Variants in APBA2 observed in about 807,000 individuals in gnomAD.
APBA2 encodes the protein amyloid-beta A4 precursor protein-binding family A member 2.
Under a neutral mutation model 75.0 loss-of-function variants are expected in APBA2, and 30 were observed. The ratio of observed to expected loss-of-function variants is 0.40; its 90% CI spans 0.30 to 0.54. The LOEUF (loss-of-function observed/expected upper bound fraction) is 0.54. Among genes scored for constraint, APBA2 ranks in the 20% least tolerant of loss-of-function variants. The pLI is 0.49. For missense variants in APBA2, 801 were observed against 1,016.1 expected (o/e 0.79, Z 2.88); for synonymous variants, 444 against 409.6 (o/e 1.08, Z -1.01).
In APBA2 at chr15:29,093,089, G is replaced by A. The variant is rs2043659403; in HGVS notation, c.1084G>A (p.Glu362Lys). The A allele has an allele frequency of 6.2e-7, 1 of 1,614,220 alleles. No homozygotes were observed. Among genetic ancestry groups the A allele is most frequent in the Non-Finnish European group, 8.5e-7 (1 of 1,180,044 alleles). ...CCCTCCTTCAGTTCCAGGGCCCTGC[G>A]AACCAGAAGACCTCATCGACGGGAT... ...PSFVAVPGPC[E>K]PEDLIDGIIF... Residue 362 changes from glutamate to lysine, a missense_variant, in exon 7 of 15, where the codon GAA (glutamate) becomes AAA (lysine). Coordinates refer to ENST00000683413, the MANE Select transcript of APBA2 (RefSeq NM_001353788.2).
At chr15:29,040,686 A>G (rs1434320600) in intron 3 of APBA2, among the ~76,000 whole-genome samples, 2 of 152,216 alleles carry the variant, frequency 1.3e-5, no homozygotes, top group African/African-American at 4.8e-5. Context: ...AAGCAGACAC[A>G]TGAAAATCAA....
chr15:29,022,970 T>G (rs922666715), intron 3 of APBA2, among the ~76,000 whole-genome samples: 1 of 152,230 alleles, frequency 6.6e-6, no homozygotes, highest in African/African-American at 2.4e-5. Flanking sequence ...GAAATATTTT[T>G]TATTATTACA....
At chr15:28,894,519 A>T (rs533973432) in intron 1 of APBA2, among the ~76,000 whole-genome samples, 8 of 152,182 alleles carry the variant, frequency 5.3e-5, no homozygotes, top group Admixed American at 3.3e-4. Context: ...ACCCCTTCAG[A>T]GCCCAGGCCA....
In APBA2 at chr15:29,108,442, G is replaced by C. The variant is rs199884643; in HGVS notation, c.2037+53G>C. On this transcript the variant is annotated intron_variant, in intron 13 of 14. Coordinates refer to ENST00000683413, the MANE Select transcript of APBA2 (RefSeq NM_001353788.2). ...CCACCACCACTGCAGGGCCCAGGGA[G>C]GGGGAGCAGCTCCCGTCCAATGGGG... 1.1e-3 allele frequency: 1,821 copies of C among 1,612,878 alleles called. 13 individuals carry two copies. The highest frequency in any genetic ancestry group is 8.1e-3 in the South Asian group (735 of 91,078).
chr15:29,085,524 CAAAA>C (rs777850421), intron 6 of APBA2, among the ~76,000 whole-genome samples: 1 of 57,150 alleles, frequency 1.7e-5, no homozygotes, highest in Non-Finnish European at 4.2e-5. Flanking sequence ...GACTCCATCT[CAAAA>C]AAAAAAAAAA....
chr15:28,898,734 G>A (rs1274481232), intron 1 of APBA2, among the ~76,000 whole-genome samples: 1 of 152,166 alleles, frequency 6.6e-6, no homozygotes, highest in Non-Finnish European at 1.5e-5. Flanking sequence ...TGATCTTGGA[G>A]TTTTCAAGGT....
At chr15:28,909,191 C>G (rs866799510) in intron 1 of APBA2, among the ~76,000 whole-genome samples, 1 of 151,938 alleles carries the variant, frequency 6.6e-6, no homozygotes, top group African/African-American at 2.4e-5. Flanking sequence ...GGGGTTTCAC[C>G]GTGTTAGCCA....
chr15:29,051,121 C>G (rs1201607473), intron 3 of APBA2, among the ~76,000 whole-genome samples: 1 of 152,218 alleles, frequency 6.6e-6, no homozygotes, highest in African/African-American at 2.4e-5. Flanking sequence ...TGCAGCCTCT[C>G]TCTTGTGGCT....
intron 2 of APBA2, among the ~76,000 whole-genome samples, chr15:28,927,757 T>G (rs1158062857): frequency 6.6e-6 from 1 of 151,944 alleles, no homozygotes; most frequent in African/African-American, 2.4e-5. Flanking sequence ...CATGTGTGTT[T>G]CATTTTGAGA....
At chr15:28,968,860 T>C (rs1250401148) in intron 2 of APBA2, among the ~76,000 whole-genome samples, 1 of 152,144 alleles carries the variant, frequency 6.6e-6, no homozygotes, top group Non-Finnish European at 1.5e-5. Context: ...TGACTCCATA[T>C]AAACATAAAC....
chr15:29,017,098 G>A lies in APBA2; in HGVS notation c.-41+21292G>A, dbSNP rs111466379. 2.5e-3 allele frequency among the ~76,000 whole-genome samples: 378 copies of A among 152,180 alleles called. 1 individual carries two copies. The highest frequency in any genetic ancestry group is 4.5e-3 in the Non-Finnish European group (308 of 68,016). On this transcript the variant is annotated intron_variant, in intron 3 of 14. Transcript: ENST00000683413. ...GATTCGGTGGGTGTTTGTGCATAGAGTGGTACCTGCCTGCTTGAGGATAGG... is the reference window on the plus strand; with the variant it reads ...GATTCGGTGGGTGTTTGTGCATAGAATGGTACCTGCCTGCTTGAGGATAGG...
intron 3 of APBA2, among the ~76,000 whole-genome samples, chr15:29,047,836 CA>C (rs764469943): frequency 1.3e-5 from 2 of 152,072 alleles, no homozygotes; most frequent in African/African-American, 4.8e-5. Context: ...AAATCAATAT[CA>C]TTTTTTTTCT....
intron 1 of APBA2, among the ~76,000 whole-genome samples, chr15:28,903,722 T>A (rs2032992108): frequency 6.6e-6 from 1 of 152,130 alleles, no homozygotes; most frequent in Admixed American, 6.5e-5. Context: ...TGACATCCAC[T>A]TTGCAAGATG....
intron 3 of APBA2, among the ~76,000 whole-genome samples, chr15:29,053,035 G>A (rs2041678936): frequency 6.6e-6 from 1 of 152,138 alleles, no homozygotes. Context: ...TGAACTTTGG[G>A]GGACATATTA....
At chr15:29,106,865 C>G (rs372728283) in intron 12 of APBA2, 46 bp downstream of exon 12, 6 of 1,552,986 alleles carry the variant, frequency 3.9e-6, no homozygotes, top group Non-Finnish European at 4.4e-6. Context: ...TCAACCCTGC[C>G]TCACTTCATC....
At chr15:28,995,147 C>G (rs1478987873) in intron 2 of APBA2, among the ~76,000 whole-genome samples, 1 of 152,180 alleles carries the variant, frequency 6.6e-6, no homozygotes, top group Non-Finnish European at 1.5e-5. Flanking sequence ...ACCCCCGAGC[C>G]TGCTGGCAGT....
intron 1 of APBA2, among the ~76,000 whole-genome samples, chr15:28,896,372 C>T (rs539090574): frequency 7.2e-5 from 11 of 152,278 alleles, no homozygotes; most frequent in East Asian, 3.9e-4. Context: ...CTCCGCCTCC[C>T]GGGTTCACGC....
chr15:29,105,053 C>T (rs571261124), intron 10 of APBA2, among the ~76,000 whole-genome samples: 1 of 152,306 alleles, frequency 6.6e-6, no homozygotes, highest in East Asian at 1.9e-4. Flanking sequence ...GTAAATAATT[C>T]ATTGTTGTCC....
chr15:29,095,153 C>T (rs1385544522), intron 8 of APBA2, among the ~76,000 whole-genome samples: 3 of 151,506 alleles, frequency 2.0e-5, no homozygotes, highest in Admixed American at 6.6e-5. Context: ...TGAGGCCGGG[C>T]GCCGTGGCTC....
Sources: gnomAD v4.1 joint callset for allele counts (sites outside exome capture counted in the v4.1 genomes callset) on GRCh38, gnomAD v4.1.1 for gene constraint, MANE v1.5 for transcripts, NCBI Gene and HGNC (gene_info 2026-07-23, HGNC 2026-07-21) for gene names.